Variants in CACNA2D4 observed in about 807,000 individuals in gnomAD.
CACNA2D4 encodes calcium voltage-gated channel auxiliary subunit alpha2delta 4, also known as voltage-dependent calcium channel subunit alpha-2/delta-4.
A neutral mutation model predicts 163.8 loss-of-function variants in CACNA2D4; 157 were observed. The observed-to-expected ratio is 0.96, with a 90% confidence interval of 0.84 to 1.09. The LOEUF is 1.09. Among genes scored for constraint, CACNA2D4 ranks in the 50% least tolerant of loss-of-function variants. The pLI is 0.00. For synonymous variants in CACNA2D4, 598 were observed against 586.9 expected (o/e 1.02, Z -0.27); for missense variants, 1,410 against 1,479.9 (o/e 0.95, Z 0.78).
intron 24 of CACNA2D4, among the ~76,000 whole-genome samples, chr12:1,846,280 A>C (rs1486591435): frequency 6.6e-6 from 1 of 152,090 alleles, no homozygotes; most frequent in Admixed American, 6.5e-5. Flanking sequence ...CCTCAACTTC[A>C]AAGTCTCTCC....
In CACNA2D4 at chr12:1,843,752, G is replaced by A. The variant is rs150473878; in HGVS notation, c.2470+650C>T. On this transcript the variant is annotated intron_variant, in intron 25 of 37. Coordinates refer to ENST00000382722, the MANE Select transcript of CACNA2D4 (RefSeq NM_172364.5). This position sits in a 1 kb window ranked among gnomAD's most constrained non-coding sequence, Gnocchi z 4.6. Reference sequence around the variant, plus strand: ...GGTTATTTTCCAGAATGGGGGCTGGGGCTGGCTGGCAGTTGGGTGCCCATC... The same window carrying A: ...GGTTATTTTCCAGAATGGGGGCTGGAGCTGGCTGGCAGTTGGGTGCCCATC... 1.4e-4 allele frequency among the ~76,000 whole-genome samples: 22 copies of A among 152,304 alleles called. No homozygotes were observed. In the East Asian group the frequency reaches 2.9e-3, roughly 20 times the overall value.
At position 1,834,484 on chromosome 12, in the gene CACNA2D4, C is replaced by T. The variant is rs1864765466; in HGVS notation, c.2551+6255G>A. The T allele has an allele frequency of 2.5e-6, 4 of 1,609,924 alleles. No individual in the cohort carries two copies. In the South Asian group the frequency reaches 4.4e-5, roughly 18 times the overall value. ...AGCCGGAGCCGGAGCCCAGCACAGC[C>T]TGCCCACAGAAGCAGAGGCACCGGC... On this transcript the variant is annotated intron_variant, in intron 26 of 37. Transcript: ENST00000382722. This position sits in a 1 kb window ranked among gnomAD's most constrained non-coding sequence, Gnocchi z 7.6.
chr12:1,895,097 A>C (rs1311813116), intron 6 of CACNA2D4, among the ~76,000 whole-genome samples: 1 of 152,176 alleles, frequency 6.6e-6, no homozygotes, highest in Non-Finnish European at 1.5e-5. Flanking sequence ...CCAATAATGA[A>C]CTAGCTGAGA....
In CACNA2D4 at chr12:1,795,679, G is replaced by T; in HGVS notation, c.3215C>A (p.Thr1072Lys). 1 of 1,608,426 alleles carries T rather than the reference G, an allele frequency of 6.2e-7. No homozygotes were observed. The highest frequency in any genetic ancestry group is 8.5e-7 in the Non-Finnish European group (1 of 1,175,082). The change falls in exon 36 of 38, where the codon ACA (threonine) becomes AAA (lysine). Residue 1072 changes from threonine (T) to lysine (K), a missense_variant. By Grantham distance (78) the Thr-to-Lys change is moderately conservative. Transcript: ENST00000382722. ...GCATTGCAGGATATATTTGACTTCT[G>T]TCGCCTCCTGCAGCACTGGTGGGAA... The part of the protein sequence containing the change: ...SIFPPVLQEA[T>K]EVKYNASVKC...
At chr12:1,852,547 T>C (rs1050852419) in intron 23 of CACNA2D4, among the ~76,000 whole-genome samples, 2 of 152,240 alleles carry the variant, frequency 1.3e-5, no homozygotes, top group Non-Finnish European at 2.9e-5. Flanking sequence ...ATTTATTTAA[T>C]GCCTTTTCTA....
intron 6 of CACNA2D4, among the ~76,000 whole-genome samples, chr12:1,898,080 C>T (rs927823024): frequency 1.3e-5 from 2 of 152,042 alleles, no homozygotes; most frequent in Admixed American, 6.6e-5. Context: ...TATCTACATT[C>T]CCATATTTGT....
chr12:1,794,779 T>C (rs968182112), intron 37 of CACNA2D4, among the ~76,000 whole-genome samples: 4 of 152,156 alleles, frequency 2.6e-5, no homozygotes, highest in African/African-American at 9.7e-5. Flanking sequence ...GGAGGCCTCA[T>C]TATGATCATT....
intron 18 of CACNA2D4, among the ~76,000 whole-genome samples, chr12:1,860,683 C>T (rs1447509446): frequency 6.6e-6 from 1 of 152,198 alleles, no homozygotes; most frequent in East Asian, 1.9e-4. Context: ...ACACAATCCA[C>T]TTAAACCTCC....
At chr12:1,861,939 C>T (rs993158811) in intron 18 of CACNA2D4, among the ~76,000 whole-genome samples, 1 of 152,224 alleles carries the variant, frequency 6.6e-6, no homozygotes, top group Non-Finnish European at 1.5e-5. Context: ...TGGATTCTGT[C>T]ACCATAGATT....
intron 26 of CACNA2D4, among the ~76,000 whole-genome samples, chr12:1,822,981 C>G (rs184969994): frequency 1.3e-5 from 2 of 152,216 alleles, no homozygotes; most frequent in Non-Finnish European, 2.9e-5. Context: ...TGGGCCCAGT[C>G]GTGGCTCTGC....
In CACNA2D4 at chr12:1,799,126, G is replaced by T. The variant is rs1267056858; in HGVS notation, c.2995+549C>A. Among the ~76,000 whole-genome samples the T allele has an allele frequency of 1.3e-5, 2 of 152,218 alleles. No individual in the cohort carries two copies. Among genetic ancestry groups the T allele is most frequent in the African/African-American group, 4.8e-5 (2 of 41,446 alleles). On this transcript the variant is annotated intron_variant, in intron 34 of 37. Coordinates refer to ENST00000382722, the MANE Select transcript of CACNA2D4 (RefSeq NM_172364.5). The surrounding 1 kb of genome is among the most constrained non-coding windows in gnomAD (Gnocchi z 4.7). ...AGATGGCCTCCTGCAGTCATGGAGG[G>T]CCCAGGCGCCCGGGCAGTGAGTGCT...
At chr12:1,877,872 C>A (rs1045888167) in intron 16 of CACNA2D4, among the ~76,000 whole-genome samples, 1 of 152,186 alleles carries the variant, frequency 6.6e-6, no homozygotes, top group Non-Finnish European at 1.5e-5. Context: ...AATACCCCAG[C>A]CTCTGTGTCA....
rs961498854 is a variant in CACNA2D4, at chr12:1,792,402, C to G, written c.*1253G>C. On this transcript the variant is annotated 3_prime_UTR_variant, in exon 38 of 38. Transcript: ENST00000382722. ...GCTATTTGCTGGTAGGAAACTTGAA[C>G]AGCTTTGAACTTGAACTTTGAAGTG... 1 of 152,278 alleles carries G rather than the reference C, an allele frequency of 6.6e-6. No individual in the cohort carries two copies. Among genetic ancestry groups the G allele is most frequent in the Non-Finnish European group, 1.5e-5 (1 of 68,086 alleles). 9.4% of individuals were successfully genotyped at this position (152,278 alleles called of 1,614,324 possible).
rs1366663588 is a variant in CACNA2D4, at chr12:1,834,856, G to A, written c.2551+5883C>T. 4 of 1,421,922 alleles carry A rather than the reference G, an allele frequency of 2.8e-6. 1 individual carries two copies. The African/African-American group carries it at 4.3e-5, about 15-fold the overall frequency. 88.1% of individuals were successfully genotyped at this position (1,421,922 alleles called of 1,614,324 possible). A position where few individuals can be genotyped will look rare whatever the true frequency, so the allele number is the denominator to read the frequency against. ...CTCCTCCCCGCCCTCCAGCAGACAAGCCACACCGGGTTCTCTCCCTGCACT... is the reference window on the plus strand; with the variant it reads ...CTCCTCCCCGCCCTCCAGCAGACAAACCACACCGGGTTCTCTCCCTGCACT... On this transcript the variant is annotated intron_variant, in intron 26 of 37. Transcript: ENST00000382722. This position sits in a 1 kb window ranked among gnomAD's most constrained non-coding sequence, Gnocchi z 7.6.
At chr12:1,856,844 A>G (rs1201310462) in intron 20 of CACNA2D4, among the ~76,000 whole-genome samples, 1 of 152,158 alleles carries the variant, frequency 6.6e-6, no homozygotes, top group Non-Finnish European at 1.5e-5. Context: ...CAGGTGCTCC[A>G]CTGAGGGTAA....
chr12:1,846,827 T>C (rs11062001), intron 23 of CACNA2D4, 138 bp from the exon 24 acceptor site: 37,387 of 731,724 alleles, frequency 0.051, 1,336 homozygotes, highest in African/African-American at 0.14. Flanking sequence ...GCTGGGTTCC[T>C]GGGAAGGGGC....
intron 19 of CACNA2D4, among the ~76,000 whole-genome samples, chr12:1,859,859 G>A (rs547412665): frequency 9.8e-5 from 15 of 152,334 alleles, no homozygotes; most frequent in African/African-American, 3.6e-4. Context: ...AATAACAACA[G>A]CATCTGAAGG....
rs542084903 is a variant in CACNA2D4, at chr12:1,850,630, C to T, written c.2246+3321G>A. On this transcript the variant is annotated intron_variant, in intron 23 of 37. Coordinates refer to ENST00000382722, the MANE Select transcript of CACNA2D4 (RefSeq NM_172364.5). ...TTAAAAAAAGATGAGGTTGGCCAGG[C>T]GCGGTGGCTCACGCCTGTAATCCCA... Among the ~76,000 whole-genome samples the T allele has an allele frequency of 3.4e-3, 513 of 152,082 alleles. 1 individual carries two copies. The highest frequency in any genetic ancestry group is 0.012 in the African/African-American group (493 of 41,470).
chr12:1,851,594 T>C (rs1389790619), intron 23 of CACNA2D4, among the ~76,000 whole-genome samples: 1 of 151,996 alleles, frequency 6.6e-6, no homozygotes, highest in Non-Finnish European at 1.5e-5. Context: ...GGCTTTGTCA[T>C]GTGTTTTAAT....
Sources: gnomAD v4.1 joint callset for allele counts (sites outside exome capture counted in the v4.1 genomes callset) on GRCh38, gnomAD v4.1.1 for gene constraint, Gnocchi (gnomAD v3.1) non-coding constraint, MANE v1.5 for transcripts, NCBI Gene and HGNC (gene_info 2026-07-23, HGNC 2026-07-21) for gene names.